CCDC22: variants seen among roughly 807,000 people sequenced by gnomAD.
CCDC22 encodes the protein coiled-coil domain-containing protein 22.
A neutral mutation model predicts 53.1 loss-of-function variants in CCDC22; 4 were observed. The observed-to-expected ratio is 0.08, with a 90% confidence interval of 0.04 to 0.17. CCDC22 has a LOEUF of 0.17. Among genes scored for constraint, CCDC22 ranks in the 10% least tolerant of loss-of-function variants. CCDC22 has a pLI of 1.00. For missense variants in CCDC22, 458 were observed against 554.0 expected (o/e 0.83, Z 1.74); for synonymous variants, 222 against 224.4 (o/e 0.99, Z 0.10).
At chrX:49,241,102 A>G (rs782752059) in intron 2 of CCDC22, among the ~76,000 whole-genome samples, 5 of 112,194 alleles carry the variant, frequency 4.5e-5, no homozygotes, top group Admixed American at 9.5e-5. Flanking sequence ...CTGAGGTCGT[A>G]TAGTTGGTAA....
chrX:49,236,876 T>C (rs1438305895), intron 1 of CCDC22: 1 of 362,957 alleles, frequency 2.8e-6, no homozygotes, highest in African/African-American at 2.6e-5. Flanking sequence ...CCACCCACCA[T>C]TCTCCTACTC....
chrX:49,246,546 C>G (rs1262999305), intron 6 of CCDC22, among the ~76,000 whole-genome samples, 185 bp from the exon 7 acceptor site: 4 of 112,161 alleles, frequency 3.6e-5, no homozygotes, highest in Non-Finnish European at 7.5e-5. Flanking sequence ...GAGGAGACCC[C>G]TGTCCTCGAG....
At position 49,250,253 on chromosome X, in the gene CCDC22, G is replaced by A; in HGVS notation, c.1876G>A (p.Glu626Lys). 9.1e-7 allele frequency: 1 copy of A among 1,101,209 alleles called. No homozygotes were observed. Among genetic ancestry groups the A allele is most frequent in the Non-Finnish European group, 1.2e-6 (1 of 812,662 alleles). 90.8% of individuals were successfully genotyped at this position (1,101,209 alleles called of 1,213,427 possible). ...CGCTGGCCTCCTAGGCCGGGTCCGG[G>A]AGGCCTGAGGAGCCGCCGGCAGAGG... ...ENAGLLGRVREA is the reference protein window; with the variant it reads ...ENAGLLGRVRKA Residue 626 changes from glutamate (E) to lysine (K), a missense_variant, in exon 17 of 17, where the codon GAG (glutamate) becomes AAG (lysine). This residue lies in a region of CCDC22 where 46 missense variants were observed against 52.3 expected (regional missense o/e 0.88). Coordinates refer to ENST00000376227, the MANE Select transcript of CCDC22 (RefSeq NM_014008.5).
chrX:49,247,579 G>C (rs1557114438), intron 8 of CCDC22, 21 bp downstream of exon 8: 16 of 1,192,394 alleles, frequency 1.3e-5, no homozygotes, highest in African/African-American at 1.7e-5. Flanking sequence ...TGGTTTGGAG[G>C]GGGGTGTCCC....
At chrX:49,239,064 C>T (rs1203100322) in intron 2 of CCDC22, among the ~76,000 whole-genome samples, 6 of 111,260 alleles carry the variant, frequency 5.4e-5, no homozygotes, top group Admixed American at 2.9e-4. Flanking sequence ...CAACCTCCTC[C>T]GCCTCCTGGG....
chrX:49,237,104 G>T lies in CCDC22; in HGVS notation c.69G>T (p.Val23=), dbSNP rs782432292. ...RQAGTAVPPD[V]QTLRAFTTEL... ...TCTTCAGGGCAGTTCCTCCAGATGTGCAGACCTTGCGCGCCTTCACCACTG... is the reference window on the plus strand; with the variant it reads ...TCTTCAGGGCAGTTCCTCCAGATGTTCAGACCTTGCGCGCCTTCACCACTG... The change falls in exon 2 of 17, where the codon GTG becomes GTT. Residue 23 remains valine, a synonymous_variant. Transcript: ENST00000376227. 8.3e-6 allele frequency: 10 copies of T among 1,210,867 alleles called. No individual in the cohort carries two copies. Among genetic ancestry groups the T allele is most frequent in the Non-Finnish European group, 1.1e-5 (10 of 894,726 alleles).
intron 3 of CCDC22, 38 bp from the exon 4 acceptor site, chrX:49,242,848 C>A (rs782066426): frequency 1.1e-6 from 1 of 915,421 alleles, no homozygotes; most frequent in Non-Finnish European, 1.5e-6. Flanking sequence ...GGATTTGCAG[C>A]ATTGACATCT....
In CCDC22 at chrX:49,248,401, C is replaced by T; in HGVS notation, c.1213-6C>T. ...GCCTGTGTGACATGTACCCATCCCC[C>T]ACCAGCTTGTGGTGGAGAATAGTGC... On this transcript the variant is annotated splice_region_variant and splice_polypyrimidine_tract_variant and intron_variant, in intron 10 of 16. Transcript: ENST00000376227. 8.3e-7 allele frequency: 1 copy of T among 1,209,479 alleles called. No individual in the cohort carries two copies. Among genetic ancestry groups the T allele is most frequent in the Non-Finnish European group, 1.1e-6 (1 of 894,516 alleles).
rs2294017 is a variant in CCDC22, at chrX:49,237,280, C to T, written c.228+17C>T. 1,100 of 1,170,413 alleles carry T rather than the reference C, an allele frequency of 9.4e-4. 29 individuals carry two copies. In the East Asian group the frequency reaches 0.033, roughly 35 times the overall value. The stretch of plus-strand genomic sequence containing the variant: ...GCCTGCATGGTGAGTGGCCCTCCTC[C>T]TAATGCACACATCCTCTTTCTTCCT... On this transcript the variant is annotated intron_variant, in intron 2 of 16. Coordinates refer to ENST00000376227, the MANE Select transcript of CCDC22 (RefSeq NM_014008.5).
rs1278936080 is a variant in CCDC22, at chrX:49,236,984, C to T, written c.51-102C>T. ...GATCTGTCTGAACTGTAGGCATCCT[C>T]CCTGCCCCGACCCTGGTACTAGTGT... On this transcript the variant is annotated intron_variant, in intron 1 of 16. Transcript: ENST00000376227. The T allele has an allele frequency of 4.1e-6, 3 of 729,572 alleles. No homozygotes were observed. The African/African-American group carries it at 6.4e-5, about 15-fold the overall frequency. 60.1% of individuals were successfully genotyped at this position (729,572 alleles called of 1,213,427 possible). A position where few individuals can be genotyped will look rare whatever the true frequency, so the allele number is the denominator to read the frequency against.
chrX:49,246,784 G>T lies in CCDC22; in HGVS notation c.768G>T (p.Leu256=). The change falls in exon 7 of 17, where the codon CTG becomes CTT. Residue 256 remains leucine, a synonymous_variant. Transcript: ENST00000376227. ...TGCAAAAGCAACTGACTGAGCATCT[G>T]CGCCAAAGCTGGGGCCTGCTTGGGG... is the stretch of plus-strand genomic sequence containing the variant. The part of the protein sequence containing the change: ...QRLQKQLTEH[L]RQSWGLLGAP... The T allele has an allele frequency of 8.4e-7, 1 of 1,188,897 alleles. No individual in the cohort carries two copies. Among genetic ancestry groups the T allele is most frequent in the East Asian group, 3.0e-5 (1 of 33,294 alleles).
chrX:49,242,675 C>T lies in CCDC22; in HGVS notation c.362-211C>T, dbSNP rs1201820908. 4.5e-5 allele frequency among the ~76,000 whole-genome samples: 5 copies of T among 111,220 alleles called. No homozygotes were observed. The Admixed American group carries it at 4.8e-4, about 11-fold the overall frequency. ...CTCCCTGAGGGCAGGGACCTTTATCCAGTTTGTTCCACGAAGTAGCCCTAG... is the reference window on the plus strand; with the variant it reads ...CTCCCTGAGGGCAGGGACCTTTATCTAGTTTGTTCCACGAAGTAGCCCTAG... On this transcript the variant is annotated intron_variant, in intron 3 of 16. Coordinates refer to ENST00000376227, the MANE Select transcript of CCDC22 (RefSeq NM_014008.5).
At chrX:49,239,464 G>A (rs1285483737) in intron 2 of CCDC22, 1 of 744,220 alleles carries the variant, frequency 1.3e-6, no homozygotes. Context: ...AATACATAGT[G>A]AATGGAAACA....
Position 49,235,632 on chromosome X carries a change from C to G in CCDC22, c.-5C>G, listed in dbSNP as rs1359866426. ...CCCAGCCCCCGACTCCGACACGGCTCCACCATGGAGGAGGCGGACCGAATC... is the reference window on the plus strand; with the variant it reads ...CCCAGCCCCCGACTCCGACACGGCTGCACCATGGAGGAGGCGGACCGAATC... On this transcript the variant is annotated 5_prime_UTR_variant, in exon 1 of 17. Transcript: ENST00000376227. 5 of 1,176,718 alleles carry G rather than the reference C, an allele frequency of 4.2e-6. No individual in the cohort carries two copies. The highest frequency in any genetic ancestry group is 5.7e-6 in the Non-Finnish European group (5 of 878,525).
intron 2 of CCDC22, 138 bp from the exon 3 acceptor site, chrX:49,241,878 C>A (rs1251424977): frequency 1.6e-6 from 1 of 611,204 alleles, no homozygotes; most frequent in Admixed American, 2.9e-5. Context: ...CCCCCCAGGG[C>A]CCAGAGGCCT....
chrX:49,246,164 G>T (rs1465738441), intron 6 of CCDC22, among the ~76,000 whole-genome samples: 2 of 110,680 alleles, frequency 1.8e-5, no homozygotes, highest in Admixed American at 1.9e-4. Context: ...TAGAGTCGGG[G>T]TTTTACCATG....
At chrX:49,247,142 G>A in intron 7 of CCDC22, 1 of 441,454 alleles carries the variant, frequency 2.3e-6, no homozygotes, top group East Asian at 3.7e-5. Flanking sequence ...CAAAGGTGTG[G>A]GGGTGTTCTT....
chrX:49,240,951 A>C (rs1346309749), intron 2 of CCDC22, among the ~76,000 whole-genome samples: 1 of 112,528 alleles, frequency 8.9e-6, no homozygotes, highest in African/African-American at 3.2e-5. Flanking sequence ...ATGGCTTCTA[A>C]GTGTACTCTG....
rs782302532 is a variant in CCDC22, at chrX:49,242,945, C to A, written c.421C>A (p.Pro141Thr). The change falls in exon 4 of 17, where the codon CCT becomes ACT. Residue 141 changes from proline (P) to threonine (T), a missense_variant. Transcript: ENST00000376227. ...GSQIRDQLAL[P>T]WVPPHLRTPK... is the part of the protein sequence containing the mutation. ...CCAAATTCGGGACCAGCTGGCACTGCCTTGGGTCCCGCCCCACCTTCGCAC... is the reference window on the plus strand; with the variant it reads ...CCAAATTCGGGACCAGCTGGCACTGACTTGGGTCCCGCCCCACCTTCGCAC... The A allele has an allele frequency of 5.1e-6, 6 of 1,166,572 alleles. No homozygotes were observed. In the Admixed American group the frequency reaches 1.2e-4, roughly 24 times the overall value.
Sources: gnomAD v4.1 joint callset for allele counts (sites outside exome capture counted in the v4.1 genomes callset) on GRCh38, gnomAD v4.1.1 for gene constraint, gnomAD v4.1.1 regional missense constraint, MANE v1.5 for transcripts, NCBI Gene and HGNC (gene_info 2026-07-23, HGNC 2026-07-21) for gene names.